The following SIL1 variants were observed in gnomAD, a reference collection of about 807,000 sequenced individuals.
SIL1 encodes the protein SIL1 nucleotide exchange factor.
Under a neutral mutation model 49.1 loss-of-function variants are expected in SIL1, and 40 were observed. The observed-to-expected ratio is 0.81, with a 90% CI of 0.63 to 1.06. The LOEUF (loss-of-function observed/expected upper bound fraction) is 1.06, where lower values mean the gene tolerates loss of function less well. Ranked by LOEUF, SIL1 falls within the 50% of genes least tolerant of loss-of-function variation. The pLI is 0.00. For missense variants in SIL1, 500 were observed against 572.6 expected (o/e 0.87, Z 1.29); for synonymous variants, 253 against 250.8 (o/e 1.01, Z -0.08).
intron 2 of SIL1, among the ~76,000 whole-genome samples, chr5:139,124,744 T>C (rs1229152953): frequency 1.3e-5 from 2 of 152,266 alleles, no homozygotes; most frequent in African/African-American, 2.4e-5. Flanking sequence ...CTACCATTTA[T>C]TAAGCCCTGA....
At chr5:139,142,855 G>A (rs906100284) in intron 1 of SIL1, among the ~76,000 whole-genome samples, 13 of 152,000 alleles carry the variant, frequency 8.6e-5, no homozygotes, top group Non-Finnish European at 1.6e-4. Context: ...TGCAAGCTCT[G>A]CCTTCCGGGT....
At chr5:139,158,690 C>T (rs1451580323) in intron 1 of SIL1, among the ~76,000 whole-genome samples, 2 of 152,110 alleles carry the variant, frequency 1.3e-5, no homozygotes, top group East Asian at 1.9e-4. Flanking sequence ...AAGAAGAGAA[C>T]AAAGCCTTTC....
intron 7 of SIL1, chr5:139,014,101 A>G (rs1303664082): frequency 6.6e-6 from 1 of 152,200 alleles, no homozygotes; most frequent in Non-Finnish European, 1.5e-5. Flanking sequence ...TAGATGTATT[A>G]AAGAGTCAGT....
intron 7 of SIL1, among the ~76,000 whole-genome samples, chr5:138,974,668 A>G (rs1767357388): frequency 6.6e-6 from 1 of 152,156 alleles, no homozygotes; most frequent in Admixed American, 6.5e-5. Flanking sequence ...AGAGGGAAGG[A>G]GCCCCTGTTT....
intron 3 of SIL1, 110 bp from the exon 4 acceptor site, chr5:139,051,156 G>C: frequency 1.1e-6 from 1 of 929,752 alleles, no homozygotes. Context: ...CGACTCAGCT[G>C]TGTTCAGTTA....
chr5:139,092,236 A>T (rs1331616043), intron 3 of SIL1, among the ~76,000 whole-genome samples: 1 of 152,144 alleles, frequency 6.6e-6, no homozygotes, highest in African/African-American at 2.4e-5. Flanking sequence ...TTCTCCCTCT[A>T]GGCCTCCCCT....
At position 138,993,119 on chromosome 5, in the gene SIL1, T is replaced by C. The variant is rs538414681; in HGVS notation, c.767+28052A>G. 9.7e-4 allele frequency among the ~76,000 whole-genome samples: 148 copies of C among 152,222 alleles called. 1 individual carries two copies. The highest frequency in any genetic ancestry group is 3.3e-3 in the Admixed American group (50 of 15,284). On this transcript the variant is annotated intron_variant, in intron 7 of 9. Transcript: ENST00000394817. Reference sequence around the variant, plus strand: ...AGGGAGGTATGGCCAAGGCACTACGTTTTGGCCAACAGATTATAAGCAGAA... The same window carrying C: ...AGGGAGGTATGGCCAAGGCACTACGCTTTGGCCAACAGATTATAAGCAGAA...
chr5:139,118,028 G>T (rs1771034121), intron 3 of SIL1, among the ~76,000 whole-genome samples: 1 of 152,172 alleles, frequency 6.6e-6, no homozygotes, highest in Admixed American at 6.5e-5. Context: ...GCCCTGAGGG[G>T]ACAGAAGGTA....
intron 3 of SIL1, among the ~76,000 whole-genome samples, chr5:139,117,368 T>C (rs1368984035): frequency 6.6e-6 from 1 of 152,154 alleles, no homozygotes; most frequent in Non-Finnish European, 1.5e-5. Flanking sequence ...TCTGTAAAAA[T>C]GAGGATAGTT....
intron 3 of SIL1, among the ~76,000 whole-genome samples, chr5:139,105,731 G>A (rs984038707): frequency 3.3e-5 from 5 of 152,210 alleles, no homozygotes; most frequent in African/African-American, 1.2e-4. Flanking sequence ...AATCGTGCAC[G>A]CTCCAACGGC....
intron 1 of SIL1, among the ~76,000 whole-genome samples, chr5:139,163,824 T>C (rs906815386): frequency 6.6e-6 from 1 of 152,146 alleles, no homozygotes; most frequent in African/African-American, 2.4e-5. Context: ...TGTAAGTAGA[T>C]ATTATCATCT....
intron 3 of SIL1, among the ~76,000 whole-genome samples, chr5:139,063,399 G>A (rs1182684632): frequency 1.3e-5 from 2 of 152,076 alleles, no homozygotes; most frequent in African/African-American, 4.8e-5. Context: ...ACCCATCCTG[G>A]GCATCTCACA....
intron 7 of SIL1, among the ~76,000 whole-genome samples, chr5:138,998,005 G>C (rs1456619955): frequency 6.6e-6 from 1 of 152,138 alleles, no homozygotes; most frequent in African/African-American, 2.4e-5. Flanking sequence ...AATTGCACTG[G>C]TATTTTGATA....
intron 7 of SIL1, among the ~76,000 whole-genome samples, chr5:139,001,727 A>C (rs1373268626): frequency 1.3e-5 from 2 of 152,190 alleles, no homozygotes; most frequent in East Asian, 3.8e-4. Flanking sequence ...CAACATAGTG[A>C]AACCCCGTCT....
Position 139,037,470 on chromosome 5 carries a change from G to A in SIL1, c.453+5150C>T, listed in dbSNP as rs536162185. Among the ~76,000 whole-genome samples the A allele has an allele frequency of 1.3e-3, 201 of 152,232 alleles. 2 individuals carry two copies. Among genetic ancestry groups the A allele is most frequent in the African/African-American group, 4.7e-3 (195 of 41,530 alleles). On this transcript the variant is annotated intron_variant, in intron 5 of 9. Transcript: ENST00000394817. ...TCTACTCTCCATCTGGAATTCCAAT[G>A]ACACAAATGTTAGATCTTTTGTTAC...
At chr5:138,960,701 C>T (rs533966236) in intron 7 of SIL1, among the ~76,000 whole-genome samples, 1 of 152,332 alleles carries the variant, frequency 6.6e-6, no homozygotes, top group East Asian at 1.9e-4. Flanking sequence ...AGTGATCTGC[C>T]AGCCTTGACC....
chr5:139,154,909 C>T (rs1427071826), intron 1 of SIL1, among the ~76,000 whole-genome samples: 1 of 151,958 alleles, frequency 6.6e-6, no homozygotes, highest in Non-Finnish European at 1.5e-5. Flanking sequence ...AGTAATTATC[C>T]CCCAAAGTTG....
At chr5:139,080,975 C>T (rs2151770357) in intron 3 of SIL1, among the ~76,000 whole-genome samples, 1 of 152,280 alleles carries the variant, frequency 6.6e-6, no homozygotes, top group South Asian at 2.1e-4. Context: ...ATGTGTATTT[C>T]ACTAAAAGCT....
chr5:139,040,484 C>CTTTTTTTTT lies in SIL1; in HGVS notation c.453+2135_453+2136insAAAAAAAAA, dbSNP rs140792595. Among the ~76,000 whole-genome samples the CTTTTTTTTT allele has an allele frequency of 4.0e-4, 36 of 89,418 alleles. 5 individuals carry two copies. Among genetic ancestry groups the CTTTTTTTTT allele is most frequent in the African/African-American group, 7.2e-4 (14 of 19,520 alleles). 58.7% of individuals were successfully genotyped at this position (89,418 alleles called of 152,430 possible). On this transcript the variant is annotated intron_variant, in intron 5 of 9. Coordinates refer to ENST00000394817, the MANE Select transcript of SIL1 (RefSeq NM_022464.5). ...TTGCAAGGGGAGAGGAGTATTTTTT[C>CTTTTTTTTT]TTTTTTCTTTTTTCTTTTTTTTTTT...
Sources: allele counts gnomAD v4.1 joint callset (sites outside exome capture counted in the v4.1 genomes callset), GRCh38; gene constraint gnomAD v4.1.1; transcripts MANE v1.5; gene names NCBI Gene and HGNC (gene_info 2026-07-23, HGNC 2026-07-21).